The following CLECL1 variants were observed in gnomAD, a reference collection of about 807,000 sequenced individuals.
CLECL1 encodes C-type lectin-like domain family 1.
At chr12:9,722,863 A>G in intron 3 of CLECL1, 50 bp from the exon 2 acceptor site, 1 of 1,366,714 alleles carries the variant, frequency 7.3e-7, no homozygotes, top group Non-Finnish European at 1.0e-6. Flanking sequence ...ACTGTATCCT[A>G]ATAATGTATA....
At chr12:9,717,544 T>C (rs1190544424), downstream of CLECL1, among the ~76,000 whole-genome samples, 1 of 152,252 alleles carries the variant, frequency 6.6e-6, no homozygotes, top group Non-Finnish European at 1.5e-5. Flanking sequence ...TTGTTTAAGC[T>C]AGTTTTGCTT....
At chr12:9,704,785 C>G in the CLECL1 span, among the ~76,000 whole-genome samples, 2 of 152,078 alleles carry the variant, frequency 1.3e-5, no homozygotes, top group Non-Finnish European at 2.9e-5. Flanking sequence ...TGTATATGTA[C>G]CACATTTTCT....
At chr12:9,720,143 T>C (rs774329848), downstream of CLECL1, among the ~76,000 whole-genome samples, 2 of 152,116 alleles carry the variant, frequency 1.3e-5, no homozygotes, top group East Asian at 3.9e-4. Flanking sequence ...GTTGGTCCAG[T>C]GTGTATTCCT....
At chr12:9,702,612 A>G in the CLECL1 span, among the ~76,000 whole-genome samples, 13 of 152,192 alleles carry the variant, frequency 8.5e-5, no homozygotes, top group African/African-American at 2.9e-4. Flanking sequence ...CTTCCCACCC[A>G]TATCACCAAC....
intron 1 of CLECL1, among the ~76,000 whole-genome samples, chr12:9,730,054 C>T (rs995488663): frequency 1.3e-5 from 2 of 152,100 alleles, no homozygotes; most frequent in Admixed American, 6.5e-5. Flanking sequence ...ATAATGTATC[C>T]ATTTCCTGTG....
At chr12:9,726,958 C>T (rs1197989089) in intron 3 of CLECL1, among the ~76,000 whole-genome samples, 1 of 151,592 alleles carries the variant, frequency 6.6e-6, no homozygotes, top group African/African-American at 2.4e-5. Flanking sequence ...TAATTAATCC[C>T]CAGAATTTGA....
At chr12:9,706,961 G>C in the CLECL1 span, among the ~76,000 whole-genome samples, 1 of 152,142 alleles carries the variant, frequency 6.6e-6, no homozygotes, top group Admixed American at 6.6e-5. Flanking sequence ...GTTGAATTCA[G>C]CTGTGAATCC....
At chr12:9,722,221 A>G (rs1223002597), downstream of CLECL1, among the ~76,000 whole-genome samples, 1 of 152,242 alleles carries the variant, frequency 6.6e-6, no homozygotes, top group Non-Finnish European at 1.5e-5. Context: ...AATGTTAGCT[A>G]TCCTCTGGAA....
At chr12:9,704,169 G>A in the CLECL1 span, 1 of 152,004 alleles carries the variant, frequency 6.6e-6, no homozygotes, top group African/African-American at 2.4e-5. Context: ...TAAGTTCATA[G>A]TACTTTAATA....
At chr12:9,710,700 G>A in the CLECL1 span, among the ~76,000 whole-genome samples, 1 of 152,150 alleles carries the variant, frequency 6.6e-6, no homozygotes, top group Non-Finnish European at 1.5e-5. Context: ...ACAGGGAGAG[G>A]AACACATAGG....
chr12:9,710,011 T>G, the CLECL1 span, among the ~76,000 whole-genome samples: 1 of 152,166 alleles, frequency 6.6e-6, no homozygotes, highest in South Asian at 2.1e-4. Flanking sequence ...GGTACACCTG[T>G]TAGTTGCTAA....
At chr12:9,707,008 T>A in the CLECL1 span, among the ~76,000 whole-genome samples, 1 of 152,334 alleles carries the variant, frequency 6.6e-6, no homozygotes. Context: ...GTTGGTAGGC[T>A]ATTTATTACT....
At chr12:9,710,881 C>A (rs1019654173), downstream of CLECL1, among the ~76,000 whole-genome samples, 1 of 152,162 alleles carries the variant, frequency 6.6e-6, no homozygotes, top group East Asian at 1.9e-4. Context: ...CTGCTGGTAG[C>A]TATTTCCACT....
chr12:9,713,040 C>T (rs773614094), downstream of CLECL1, among the ~76,000 whole-genome samples: 7 of 152,194 alleles, frequency 4.6e-5, no homozygotes, highest in East Asian at 1.9e-4. Flanking sequence ...CTGAGCTCCC[C>T]GAATGCACAA....
chr12:9,722,797 A>T, exon 4 of CLECL1: 1 of 1,608,490 alleles, frequency 6.2e-7, no homozygotes, highest in Middle Eastern at 1.7e-4. Flanking sequence ...TATGGACAGT[A>T]GAAAAGTTGA....
At chr12:9,704,704 A>G in the CLECL1 span, among the ~76,000 whole-genome samples, 2 of 152,128 alleles carry the variant, frequency 1.3e-5, no homozygotes, top group Admixed American at 1.3e-4. Flanking sequence ...GAATAATGGC[A>G]TCTAGTTCCA....
At chr12:9,720,000 C>T (rs1012947401), downstream of CLECL1, among the ~76,000 whole-genome samples, 1 of 152,074 alleles carries the variant, frequency 6.6e-6, no homozygotes, top group African/African-American at 2.4e-5. Flanking sequence ...AAAATGTTAT[C>T]TTGGTAGTGC....
chr12:9,718,554 A>G, downstream of CLECL1: 2 of 487,712 alleles, frequency 4.1e-6, no homozygotes. Flanking sequence ...TACTACTCCA[A>G]AATTCATATT....
downstream of CLECL1, among the ~76,000 whole-genome samples, chr12:9,721,373 T>A (rs1866311287): frequency 6.6e-6 from 1 of 152,248 alleles, no homozygotes; most frequent in South Asian, 2.1e-4. Context: ...GGGACATGCT[T>A]ATGCATAAAT....
Sources: gnomAD v4.1 joint callset for allele counts (sites outside exome capture counted in the v4.1 genomes callset) on GRCh38, gnomAD v4.1.1 for gene constraint, MANE v1.5 for transcripts, NCBI Gene and HGNC (gene_info 2026-07-23, HGNC 2026-07-21) for gene names.